The following NTM variants were observed in gnomAD, a reference collection of about 807,000 sequenced individuals.
NTM encodes neurotrimin.
A neutral mutation model predicts 42.1 loss-of-function variants in NTM; 13 were observed. That is an observed-to-expected ratio of 0.31 (90% CI 0.20 to 0.49). NTM has a LOEUF of 0.49. Among genes scored for constraint, NTM ranks in the 20% least tolerant of loss-of-function variants. The probability of loss-of-function intolerance (pLI) is 0.99; values close to 1 mark genes in which losing one functional copy is unlikely to be tolerated. For synonymous variants in NTM, 187 were observed against 179.2 expected (o/e 1.04, Z -0.35); for missense variants, 373 against 452.8 (o/e 0.82, Z 1.60).
intron 1 of NTM, among the ~76,000 whole-genome samples, chr11:131,697,681 C>T (rs989579841): frequency 6.6e-6 from 1 of 152,168 alleles, no homozygotes; most frequent in African/African-American, 2.4e-5. Flanking sequence ...ACTCTATATA[C>T]TAGGAATGTA....
intron 1 of NTM, among the ~76,000 whole-genome samples, chr11:131,657,382 G>A (rs2067342633): frequency 6.6e-6 from 1 of 152,212 alleles, no homozygotes; most frequent in Admixed American, 6.5e-5. Flanking sequence ...TCCCTGGCGT[G>A]GAAGAATAAA....
chr11:131,859,929 C>G (rs766298082), intron 1 of NTM, among the ~76,000 whole-genome samples: 1 of 152,006 alleles, frequency 6.6e-6, no homozygotes, highest in Non-Finnish European at 1.5e-5. Context: ...CAGCTTTTCC[C>G]CTTTTCTCAC....
At chr11:131,788,691 G>A (rs1432095528) in intron 1 of NTM, among the ~76,000 whole-genome samples, 1 of 152,082 alleles carries the variant, frequency 6.6e-6, no homozygotes, top group East Asian at 1.9e-4. Context: ...TTTGGGAAAT[G>A]TTTCTTCCTC....
Position 131,712,571 on chromosome 11 carries a change from A to G in NTM, c.83-198993A>G, listed in dbSNP as rs1253893758. ...CTCTTCCTACTTCTTTGCATTTTCA[A>G]AATTTCCTGCAGTAGATACATTTTA... is the stretch of plus-strand genomic sequence containing the variant. On this transcript the variant is annotated intron_variant, in intron 1 of 8. Coordinates refer to ENST00000683400, the MANE Select transcript of NTM (RefSeq NM_001352005.2). 2.6e-5 allele frequency among the ~76,000 whole-genome samples: 4 copies of G among 152,286 alleles called. No individual in the cohort carries two copies. The East Asian group carries it at 7.7e-4, about 29-fold the overall frequency.
chr11:131,802,270 C>G (rs2136235964), intron 1 of NTM, among the ~76,000 whole-genome samples: 1 of 152,336 alleles, frequency 6.6e-6, no homozygotes, highest in East Asian at 1.9e-4. Context: ...TTCAGCTTTT[C>G]TCTTGGATTC....
intron 2 of NTM, among the ~76,000 whole-genome samples, chr11:132,112,470 T>C (rs2063337529): frequency 6.6e-6 from 1 of 152,120 alleles, no homozygotes; most frequent in African/African-American, 2.4e-5. Context: ...TCTGATTTGA[T>C]AGAGAATGAT....
chr11:131,402,590 C>T (rs911217753), intron 1 of NTM, among the ~76,000 whole-genome samples: 1 of 152,094 alleles, frequency 6.6e-6, no homozygotes, highest in Non-Finnish European at 1.5e-5. Flanking sequence ...GCCAGTCCAG[C>T]CATCAGCTCC....
intron 8 of NTM, among the ~76,000 whole-genome samples, chr11:132,332,962 G>A (rs983319884): frequency 6.6e-6 from 1 of 152,148 alleles, no homozygotes; most frequent in African/African-American, 2.4e-5. Context: ...GGAGACGGGA[G>A]GTGGGAGTGT....
intron 1 of NTM, among the ~76,000 whole-genome samples, chr11:131,776,516 G>C (rs552381101): frequency 1.3e-5 from 2 of 152,116 alleles, no homozygotes; most frequent in East Asian, 1.9e-4. Flanking sequence ...GCAATTTCCA[G>C]CTTGCTAGGC....
At chr11:132,014,597 CTTG>C (rs2072990430) in intron 2 of NTM, among the ~76,000 whole-genome samples, 2 of 151,938 alleles carry the variant, frequency 1.3e-5, no homozygotes, top group South Asian at 2.1e-4. Flanking sequence ...AAGATGATAT[CTTG>C]TTGTGGTTTT....
At chr11:132,156,025 G>A (rs2073114618) in intron 3 of NTM, among the ~76,000 whole-genome samples, 2 of 152,140 alleles carry the variant, frequency 1.3e-5, no homozygotes, top group Non-Finnish European at 2.9e-5. Context: ...TTGAAATTGA[G>A]TAATGTGGCG....
chr11:131,925,102 A>G (rs953021956), intron 2 of NTM, among the ~76,000 whole-genome samples: 3 of 152,192 alleles, frequency 2.0e-5, no homozygotes, highest in African/African-American at 7.2e-5. Context: ...TGACAAGGAA[A>G]AGTTTTACCT....
intron 1 of NTM, among the ~76,000 whole-genome samples, chr11:131,388,966 C>A: frequency 7.4e-6 from 1 of 135,822 alleles, no homozygotes; most frequent in Non-Finnish European, 1.5e-5. Flanking sequence ...GAGACAAGAT[C>A]ATGCCAATGC....
Position 131,587,483 on chromosome 11 carries a change from C to T in NTM, c.82+216595C>T, listed in dbSNP as rs184765587. Among the ~76,000 whole-genome samples, 5 of 152,006 alleles carry T rather than the reference C, an allele frequency of 3.3e-5. No homozygotes were observed. The East Asian group carries it at 9.7e-4, about 29-fold the overall frequency. On this transcript the variant is annotated intron_variant, in intron 1 of 8. Coordinates refer to ENST00000683400, the MANE Select transcript of NTM (RefSeq NM_001352005.2). Reference sequence around the variant, plus strand: ...AATAGGCCTTACTTCGAAGTCCATACTCTTGACCACAAATTATTCTGCCTT... The same window carrying T: ...AATAGGCCTTACTTCGAAGTCCATATTCTTGACCACAAATTATTCTGCCTT...
intron 2 of NTM, among the ~76,000 whole-genome samples, chr11:131,962,791 C>A (rs570349812): frequency 6.6e-6 from 1 of 152,242 alleles, no homozygotes; most frequent in African/African-American, 2.4e-5. Flanking sequence ...CAGGTTGCCA[C>A]CCCATTTTCA....
At chr11:131,719,216 G>A (rs1392805805) in intron 1 of NTM, among the ~76,000 whole-genome samples, 1 of 152,124 alleles carries the variant, frequency 6.6e-6, no homozygotes, top group Non-Finnish European at 1.5e-5. Context: ...TGCTTCCAGT[G>A]TTTTGTCTCT....
At chr11:131,443,788 A>G (rs76116196) in intron 1 of NTM, among the ~76,000 whole-genome samples, 1 of 152,192 alleles carries the variant, frequency 6.6e-6, no homozygotes, top group South Asian at 2.1e-4. Context: ...GCCTTGGTGA[A>G]TGCCAACTTC....
chr11:131,567,498 C>T (rs574954855), intron 1 of NTM, among the ~76,000 whole-genome samples: 5 of 151,992 alleles, frequency 3.3e-5, no homozygotes, highest in African/African-American at 9.7e-5. Flanking sequence ...AAAAAAAAGA[C>T]CCAAAAATCT....
chr11:131,784,301 G>A (rs999080185), intron 1 of NTM, among the ~76,000 whole-genome samples: 18 of 152,028 alleles, frequency 1.2e-4, no homozygotes, highest in South Asian at 2.1e-4. Flanking sequence ...ATAAGAAAAC[G>A]TTCATAGCAG....
Sources: gnomAD v4.1 joint callset for allele counts (sites outside exome capture counted in the v4.1 genomes callset) on GRCh38, gnomAD v4.1.1 for gene constraint, MANE v1.5 for transcripts, NCBI Gene and HGNC (gene_info 2026-07-23, HGNC 2026-07-21) for gene names.